The following VDR variants were observed in gnomAD, a reference collection of about 807,000 sequenced individuals.
VDR encodes the protein vitamin D3 receptor.
VDR carries 19 observed loss-of-function variants against 39.7 expected under a neutral mutation model. The ratio of observed to expected loss-of-function variants is 0.48; its 90% CI spans 0.33 to 0.70. The LOEUF (loss-of-function observed/expected upper bound fraction) is 0.70, where lower values mean the gene tolerates loss of function less well. Ranked by LOEUF, VDR falls within the 30% of genes least tolerant of loss-of-function variation. The probability of loss-of-function intolerance (pLI) is 0.02; values close to 1 mark genes in which losing one functional copy is unlikely to be tolerated. For synonymous variants in VDR, 242 were observed against 215.8 expected, an observed-to-expected ratio of 1.12 and a Z score of -1.07; for missense variants, 442 against 570.5, an observed-to-expected ratio of 0.77 and a Z score of 2.29.
In VDR at chr12:47,842,676, T is replaced by A. The variant is rs1945195095; in HGVS notation, c.*2070A>T. 1 of 150,724 alleles carries A rather than the reference T, an allele frequency of 6.6e-6. No homozygotes were observed. The highest frequency in any genetic ancestry group is 1.5e-5 in the Non-Finnish European group (1 of 67,814). The allele number at this position is 150,724 out of a possible 1,614,324, so 9.3% of individuals were successfully genotyped here. A position where few individuals can be genotyped will look rare whatever the true frequency, so the allele number is the denominator to read the frequency against. On this transcript the variant is annotated 3_prime_UTR_variant, in exon 10 of 10. Coordinates refer to ENST00000549336, the MANE Select transcript of VDR (RefSeq NM_000376.3). ...TAATAGAGACAGGGTTTCTCCATGT[T>A]GGTCAGGTTGGTCTCGAACTCCCGA...
At chr12:47,896,128 C>T (rs1946461420) in intron 1 of VDR, among the ~76,000 whole-genome samples, 1 of 152,258 alleles carries the variant, frequency 6.6e-6, no homozygotes, top group South Asian at 2.1e-4. Flanking sequence ...AGAAAAATAA[C>T]ACCACCTACT....
At position 47,868,665 on chromosome 12, in the gene VDR, C is replaced by T. The variant is rs186067415; in HGVS notation, c.147-3488G>A. On this transcript the variant is annotated intron_variant, in intron 3 of 9. Transcript: ENST00000549336. ...CCCACCAACCTTGTGGTTCTTGAGG[C>T]TTCATCCGTCACCACAAATGCTCAG... Among the ~76,000 whole-genome samples the T allele has an allele frequency of 1.1e-3, 170 of 152,268 alleles. 1 individual carries two copies. Among genetic ancestry groups the T allele is most frequent in the African/African-American group, 4.0e-3 (167 of 41,548 alleles).
chr12:47,882,768 A>G lies in VDR; in HGVS notation c.-77T>C, dbSNP rs746509060. 7.8e-6 allele frequency: 12 copies of G among 1,534,620 alleles called. No homozygotes were observed. The South Asian group carries it at 1.4e-4, about 18-fold the overall frequency. On this transcript the variant is annotated 5_prime_UTR_variant, in exon 2 of 10. Coordinates refer to ENST00000549336, the MANE Select transcript of VDR (RefSeq NM_000376.3). ...AGGTCTCACAGACACTTCAGACCCA[A>G]AGGCTTCTGAAATGAAGAAGGGGAA...
rs73293257 is a variant in VDR at position 47,864,979 on chromosome 12, G to A, written c.277+68C>T. On this transcript the variant is annotated intron_variant, in intron 4 of 9. Coordinates refer to ENST00000549336, the MANE Select transcript of VDR (RefSeq NM_000376.3). ...GCAGACCCTCTGCCCAAACTTGCAG[G>A]AGAGTGGCCAAGGCCTTTCCCTGAC... 3.8e-4 allele frequency: 606 copies of A among 1,604,836 alleles called. 3 individuals carry two copies. The African/African-American group carries it at 7.3e-3, about 19-fold the overall frequency.
intron 3 of VDR, among the ~76,000 whole-genome samples, chr12:47,875,742 G>A (rs777096775): frequency 6.6e-6 from 1 of 152,178 alleles, no homozygotes. Flanking sequence ...ACAGGGTGAG[G>A]TTTCTGCAAG....
intron 7 of VDR, among the ~76,000 whole-genome samples, chr12:47,852,006 G>A (rs1488405409): frequency 6.6e-6 from 1 of 152,330 alleles, no homozygotes; most frequent in East Asian, 1.9e-4. Context: ...GAAACTGAGA[G>A]TAGTGCTATT....
At chr12:47,895,716 A>AT (rs932672040) in intron 1 of VDR, among the ~76,000 whole-genome samples, 2 of 151,944 alleles carry the variant, frequency 1.3e-5, no homozygotes, top group South Asian at 2.1e-4. Flanking sequence ...TACACATTTC[A>AT]TTTTTTTTAA....
At chr12:47,900,843 C>T (rs7136534) in intron 1 of VDR, among the ~76,000 whole-genome samples, 30,520 of 152,158 alleles carry the variant, frequency 0.2, 3,527 homozygotes, top group East Asian at 0.37. Context: ...GCTTTCCCGC[C>T]GGTGCAGCTG....
rs756858031 is a variant in VDR at position 47,857,637 on chromosome 12, C to A, written c.329G>T (p.Arg110Leu). ...VQRKREMILKRKEEEALKDSL... is the reference protein window; with the variant it reads ...VQRKREMILKLKEEEALKDSL... ...GTCCTTCAAGGCCTCCTCCTCCTTC[C>A]GCTTCAGGATCATCTCCCGCTTCCT... is the stretch of plus-strand genomic sequence containing the variant. The change falls in exon 5 of 10, where the codon CGG becomes CTG. Residue 110 changes from arginine (R) to leucine (L), a missense_variant. By Grantham distance (102) the Arg-to-Leu change is moderately radical (BLOSUM62 -2). Coordinates refer to ENST00000549336, the MANE Select transcript of VDR (RefSeq NM_000376.3). The A allele has an allele frequency of 1.2e-6, 2 of 1,614,218 alleles. No homozygotes were observed.
chr12:47,863,464 G>A (rs1037677120), intron 4 of VDR, among the ~76,000 whole-genome samples: 10 of 152,158 alleles, frequency 6.6e-5, no homozygotes, highest in Non-Finnish European at 1.3e-4. Context: ...TTTAGAAACC[G>A]GACTCCCTGC....
Position 47,855,746 on chromosome 12 carries a change from A to C in VDR, c.639T>G (p.Asp213Glu), listed in dbSNP as rs1333249153. 7.4e-6 allele frequency: 12 copies of C among 1,614,228 alleles called. No homozygotes were observed. Among genetic ancestry groups the C allele is most frequent in the Non-Finnish European group, 1.0e-5 (12 of 1,180,024 alleles). Reference protein sequence around the residue: ...SNLDLSEEDSDDPSVTLELSQ... With the variant: ...SNLDLSEEDSEDPSVTLELSQ... ...ACAGCTCTAGGGTCACAGAAGGGTC[A>C]TCTGAATCTTCTTCACTCAGATCCA... Residue 213 changes from aspartate (D) to glutamate (E), a missense_variant, in exon 7 of 10, where the codon GAT (aspartate) becomes GAG (glutamate). Asp to Glu is a conservative substitution (Grantham distance 45, BLOSUM62 2). Around this residue, in one of 5 missense-constraint regions of VDR, gnomAD observed 77 missense variants for 67.4 expected, o/e 1.14. Transcript: ENST00000549336.
intron 2 of VDR, among the ~76,000 whole-genome samples, chr12:47,879,472 C>T (rs1946095876): frequency 6.6e-6 from 1 of 152,160 alleles, no homozygotes. Flanking sequence ...ATGCATGAAC[C>T]CATTCATGCT....
intron 3 of VDR, among the ~76,000 whole-genome samples, chr12:47,878,199 C>T (rs1946046813): frequency 6.6e-6 from 1 of 152,206 alleles, no homozygotes; most frequent in African/African-American, 2.4e-5. Flanking sequence ...TGGCTGCCTT[C>T]TTTCAGGCTA....
chr12:47,879,930 C>T (rs926149379), intron 2 of VDR, among the ~76,000 whole-genome samples: 2 of 152,116 alleles, frequency 1.3e-5, no homozygotes, highest in Non-Finnish European at 2.9e-5. Context: ...ACAGACGGAA[C>T]GAAAGCCCAC....
rs779954117 is a variant in VDR at position 47,879,110 on chromosome 12, C to T, written c.4G>A (p.Glu2Lys). MEAMAASTSLPD... is the reference protein window; with the variant it reads MKAMAASTSLPD... ...AGGGAAGTGCTGGCCGCCATTGCCT[C>T]CATCCCTGTAAGAACAGCAAGCAGG... Residue 2 changes from glutamate (E) to lysine (K), a missense_variant, in exon 3 of 10, where the codon GAG becomes AAG. By Grantham distance (56) the Glu-to-Lys change is moderately conservative. Around this residue, in one of 5 missense-constraint regions of VDR, gnomAD observed 141 missense variants for 141.3 expected, o/e 1.00. Coordinates refer to ENST00000549336, the MANE Select transcript of VDR (RefSeq NM_000376.3). 4 of 1,613,846 alleles carry T rather than the reference C, an allele frequency of 2.5e-6. No individual in the cohort carries two copies. In the East Asian group the frequency reaches 8.9e-5, roughly 36 times the overall value.
chr12:47,883,051 A>G (rs1172712410), intron 1 of VDR: 1 of 401,406 alleles, frequency 2.5e-6, no homozygotes, highest in Non-Finnish European at 4.5e-6. Flanking sequence ...GGCAGAAGGA[A>G]ACAGCCTCCC....
chr12:47,884,263 C>T (rs891749820), intron 1 of VDR, among the ~76,000 whole-genome samples: 8 of 152,152 alleles, frequency 5.3e-5, no homozygotes, highest in Admixed American at 2.0e-4. Context: ...AAAATGTTTC[C>T]GGAGTATTTA....
At position 47,846,784 on chromosome 12, in the gene VDR, G is replaced by T. The variant is rs376737601; in HGVS notation, c.780C>A (p.Ile260=). ...CAATGGCACTTGACTTCAGCAGTAC[G>T]ATCTGGTCCTCAGAGGTGAGGTCTC... The part of the protein sequence containing the change: ...GFRDLTSEDQ[I]VLLKSSAIEV... The change falls in exon 8 of 10, where the codon ATC becomes ATA. Residue 260 remains isoleucine, a synonymous_variant. Coordinates refer to ENST00000549336, the MANE Select transcript of VDR (RefSeq NM_000376.3). The T allele has an allele frequency of 1.9e-6, 3 of 1,614,184 alleles. No individual in the cohort carries two copies. Among genetic ancestry groups the T allele is most frequent in the South Asian group, 2.2e-5 (2 of 91,082 alleles).
At chr12:47,874,675 C>T (rs1257037961) in intron 3 of VDR, among the ~76,000 whole-genome samples, 4 of 152,184 alleles carry the variant, frequency 2.6e-5, no homozygotes, top group Non-Finnish European at 4.4e-5. Flanking sequence ...AGCAGGCAAA[C>T]GATGACCTGT....
Sources: allele counts gnomAD v4.1 joint callset (sites outside exome capture counted in the v4.1 genomes callset), GRCh38; gene constraint gnomAD v4.1.1; regional missense constraint gnomAD v4.1.1; transcripts MANE v1.5; gene names NCBI Gene and HGNC (gene_info 2026-07-23, HGNC 2026-07-21).